EBF2: variants seen among roughly 807,000 people sequenced by gnomAD.
EBF2 encodes the protein transcription factor COE2.
In EBF2, 21 loss-of-function variants were observed where a neutral mutation model predicts 72.8. The observed-to-expected ratio is 0.29, with a 90% CI of 0.20 to 0.42. EBF2 has a LOEUF of 0.42. EBF2 is among the 10% of genes least tolerant of loss of function. The pLI is 1.00. For synonymous variants in EBF2, 299 were observed against 274.2 expected (o/e 1.09, Z -0.89); for missense variants, 637 against 731.2 (o/e 0.87, Z 1.49).
intron 6 of EBF2, among the ~76,000 whole-genome samples, chr8:26,012,701 C>T (rs1030414322): frequency 3.9e-5 from 6 of 152,152 alleles, no homozygotes; most frequent in African/African-American, 1.2e-4. Context: ...TCCATATTTG[C>T]GGTGTTTGCC....
chr8:25,994,025 C>T (rs147833192), intron 6 of EBF2, among the ~76,000 whole-genome samples: 2 of 151,590 alleles, frequency 1.3e-5, no homozygotes, highest in African/African-American at 4.9e-5. Flanking sequence ...ACCTATATAC[C>T]CTGCTTGACA....
intron 15 of EBF2, among the ~76,000 whole-genome samples, chr8:25,845,037 A>AT (rs1801803797): frequency 6.6e-6 from 1 of 152,230 alleles, no homozygotes; most frequent in South Asian, 2.1e-4. Flanking sequence ...AGGAAAGGAA[A>AT]TTCCAGGTGC....
In EBF2 at chr8:25,887,892, A is replaced by G. The variant is rs775632116; in HGVS notation, c.832T>C (p.Phe278Leu). 6.2e-7 allele frequency: 1 copy of G among 1,613,886 alleles called. No individual in the cohort carries two copies. The highest frequency in any genetic ancestry group is 8.5e-7 in the Non-Finnish European group (1 of 1,179,872). Residue 278 changes from phenylalanine to leucine, a missense_variant, in exon 9 of 16, where the codon TTC becomes CTC. Coordinates refer to ENST00000520164, the MANE Select transcript of EBF2 (RefSeq NM_022659.4). ...AACACCACTTGGAGACCATCAAAGA[A>G]GTTGTCCCCGATGATGATGACCATG... ...GAMVIIIGDN[F>L]FDGLQVVFGT... is the part of the protein sequence containing the mutation.
intron 6 of EBF2, among the ~76,000 whole-genome samples, chr8:25,935,845 A>G (rs1803570437): frequency 6.6e-6 from 1 of 152,228 alleles, no homozygotes; most frequent in Admixed American, 6.5e-5. Context: ...AGGAAATGCA[A>G]TTTAAATATT....
In EBF2 at chr8:25,861,238, C is replaced by A; in HGVS notation, c.1165-12G>T. Reference sequence around the variant, plus strand: ...TTCAAAATGATGTCCTACAAAACAACAGGTTAATGTGAGCATTCTATCCAG... The same window carrying A: ...TTCAAAATGATGTCCTACAAAACAAAAGGTTAATGTGAGCATTCTATCCAG... On this transcript the variant is annotated splice_polypyrimidine_tract_variant and intron_variant, in intron 12 of 15. Coordinates refer to ENST00000520164, the MANE Select transcript of EBF2 (RefSeq NM_022659.4). 5.0e-6 allele frequency: 8 copies of A among 1,612,834 alleles called. No individual in the cohort carries two copies. Among genetic ancestry groups the A allele is most frequent in the Non-Finnish European group, 6.8e-6 (8 of 1,179,208 alleles).
intron 6 of EBF2, among the ~76,000 whole-genome samples, chr8:25,953,522 A>G (rs974502609): frequency 3.9e-5 from 6 of 152,210 alleles, no homozygotes; most frequent in African/African-American, 1.4e-4. Context: ...GGGTGGTGGA[A>G]CCCATTTCCA....
intron 6 of EBF2, among the ~76,000 whole-genome samples, chr8:25,950,844 C>G (rs73677440): frequency 7.2e-4 from 109 of 151,938 alleles, no homozygotes; most frequent in African/African-American, 2.5e-3. Flanking sequence ...GAGTTAAATC[C>G]TCTACAGTTT....
At chr8:25,910,770 G>A (rs1803112157) in intron 6 of EBF2, among the ~76,000 whole-genome samples, 1 of 152,068 alleles carries the variant, frequency 6.6e-6, no homozygotes, top group Non-Finnish European at 1.5e-5. Context: ...TGCACTCTGA[G>A]GACTTAGCAC....
chr8:25,859,277 C>T (rs1802162854), intron 13 of EBF2, among the ~76,000 whole-genome samples: 1 of 152,142 alleles, frequency 6.6e-6, no homozygotes, highest in African/African-American at 2.4e-5. Flanking sequence ...TAGTGTTTGC[C>T]AAATTTAACA....
At chr8:25,947,899 T>C (rs1803798431) in intron 6 of EBF2, among the ~76,000 whole-genome samples, 1 of 152,196 alleles carries the variant, frequency 6.6e-6, no homozygotes, top group Non-Finnish European at 1.5e-5. Context: ...AACAATGACC[T>C]TCTGTTTTGT....
At position 25,992,285 on chromosome 8, in the gene EBF2, G is replaced by A. The variant is rs906907066; in HGVS notation, c.551+40800C>T. 2.4e-5 allele frequency among the ~76,000 whole-genome samples: 3 copies of A among 125,608 alleles called. No individual in the cohort carries two copies. In the South Asian group the frequency reaches 7.8e-4, roughly 33 times the overall value. The allele number at this position is 125,608 out of a possible 152,430, so 82.4% of individuals were successfully genotyped here. A position where few individuals can be genotyped will look rare whatever the true frequency, so the allele number is the denominator to read the frequency against. On this transcript the variant is annotated intron_variant, in intron 6 of 15. Coordinates refer to ENST00000520164, the MANE Select transcript of EBF2 (RefSeq NM_022659.4). ...GGAGGCAGAGGTTACAATGAGCCAC[G>A]ATCGCGCCATTGCACTCCAGCCTGG... is the stretch of plus-strand genomic sequence containing the variant.
chr8:26,024,250 A>G (rs1327725169), intron 6 of EBF2, among the ~76,000 whole-genome samples: 1 of 152,098 alleles, frequency 6.6e-6, no homozygotes, highest in African/African-American at 2.4e-5. Context: ...CCATGATGGA[A>G]ATTATCTCCG....
rs776003803 is a variant in EBF2 at position 25,862,676 on chromosome 8, T to C, written c.1098+33A>G. On this transcript the variant is annotated intron_variant, in intron 11 of 15. Transcript: ENST00000520164. ...TAAGTTTCCTGAAATTCTACACAAATGGCTTCACATGTCAATTTCCAAAGC... is the reference window on the plus strand; with the variant it reads ...TAAGTTTCCTGAAATTCTACACAAACGGCTTCACATGTCAATTTCCAAAGC... 2.0e-6 allele frequency: 3 copies of C among 1,521,128 alleles called. No individual in the cohort carries two copies. In the South Asian group the frequency reaches 3.7e-5, roughly 19 times the overall value. The allele number at this position is 1,521,128 out of a possible 1,614,324, so 94.2% of individuals were successfully genotyped here. A position where few individuals can be genotyped will look rare whatever the true frequency, so the allele number is the denominator to read the frequency against.
intron 6 of EBF2, among the ~76,000 whole-genome samples, chr8:26,018,116 T>TC: frequency 6.6e-6 from 1 of 152,098 alleles, no homozygotes; most frequent in East Asian, 1.9e-4. Flanking sequence ...GGAAAAGTTT[T>TC]TTTTTTTTTC....
chr8:26,029,726 G>C (rs1484378614), intron 6 of EBF2, among the ~76,000 whole-genome samples: 1 of 152,178 alleles, frequency 6.6e-6, no homozygotes, highest in African/African-American at 2.4e-5. Context: ...CAAGGACAAG[G>C]AACAGAGTTC....
rs574710473 is a variant in EBF2, at chr8:25,945,771, A to AT, written c.552-37217dup. 1.5e-4 allele frequency among the ~76,000 whole-genome samples: 23 copies of AT among 151,992 alleles called. No individual in the cohort carries two copies. In the South Asian group the frequency reaches 4.6e-3, roughly 30 times the overall value. On this transcript the variant is annotated intron_variant, in intron 6 of 15. Coordinates refer to ENST00000520164, the MANE Select transcript of EBF2 (RefSeq NM_022659.4). Reference sequence around the variant, plus strand: ...GTGGTTCTGATTCCAGCTCTGTTAAATTTTTACTGCTGCTGGAGGGTGGCT... The same window carrying AT: ...GTGGTTCTGATTCCAGCTCTGTTAAATTTTTTACTGCTGCTGGAGGGTGGCT...
At chr8:25,965,938 C>T (rs923040882) in intron 6 of EBF2, among the ~76,000 whole-genome samples, 6 of 152,242 alleles carry the variant, frequency 3.9e-5, no homozygotes, top group Non-Finnish European at 5.9e-5. Context: ...GTCCTGCCCT[C>T]GGTTATCCTG....
At chr8:26,020,286 T>A (rs896272852) in intron 6 of EBF2, among the ~76,000 whole-genome samples, 1 of 152,172 alleles carries the variant, frequency 6.6e-6, no homozygotes, top group Admixed American at 6.5e-5. Flanking sequence ...AACAATAAAA[T>A]CCCAGCAGAC....
intron 6 of EBF2, among the ~76,000 whole-genome samples, chr8:25,909,995 C>T (rs1479064189): frequency 6.6e-6 from 1 of 152,138 alleles, no homozygotes; most frequent in African/African-American, 2.4e-5. Context: ...TTGGGCTTTG[C>T]TTCCTGTGCC....
Sources: allele counts gnomAD v4.1 joint callset (sites outside exome capture counted in the v4.1 genomes callset), GRCh38; gene constraint gnomAD v4.1.1; transcripts MANE v1.5; gene names NCBI Gene and HGNC (gene_info 2026-07-23, HGNC 2026-07-21).